The following ALDH1A1 variants were observed in gnomAD, a reference collection of about 807,000 sequenced individuals.
ALDH1A1 encodes aldehyde dehydrogenase 1A1.
A neutral mutation model predicts 62.1 loss-of-function variants in ALDH1A1; 19 were observed. The ratio of observed to expected loss-of-function variants is 0.31; its 90% CI spans 0.21 to 0.45. The LOEUF is 0.45. Ranked by LOEUF, ALDH1A1 falls within the 20% of genes least tolerant of loss-of-function variation. The pLI is 1.00. For synonymous variants in ALDH1A1, 231 were observed against 215.9 expected (o/e 1.07, Z -0.61); for missense variants, 521 against 607.1 (o/e 0.86, Z 1.49).
At chr9:72,922,784 C>T (rs1415332763) in intron 7 of ALDH1A1, among the ~76,000 whole-genome samples, 1 of 152,100 alleles carries the variant, frequency 6.6e-6, no homozygotes, top group Non-Finnish European at 1.5e-5. Flanking sequence ...AATGTATTGC[C>T]ATATCTTGAA....
At chr9:72,923,741 T>C (rs1319763670) in intron 7 of ALDH1A1, 3 of 226,898 alleles carry the variant, frequency 1.3e-5, no homozygotes, top group African/African-American at 6.9e-5. Context: ...ATCTTCCTAA[T>C]AATATGACAA....
chr9:72,946,036 T>G (rs1009778899), intron 1 of ALDH1A1, among the ~76,000 whole-genome samples: 1 of 151,980 alleles, frequency 6.6e-6, no homozygotes, highest in Admixed American at 6.6e-5. Context: ...AGAGAAAAGA[T>G]GCCACAGCAT....
chr9:72,905,868 A>T, intron 12 of ALDH1A1, 90 bp downstream of exon 12: 1 of 1,083,900 alleles, frequency 9.2e-7, no homozygotes, highest in East Asian at 2.6e-5. Flanking sequence ...GGCAGGTTTT[A>T]TGTAAGGTGA....
chr9:72,915,374 G>A (rs893236441), intron 9 of ALDH1A1, among the ~76,000 whole-genome samples: 3 of 152,054 alleles, frequency 2.0e-5, no homozygotes, highest in Admixed American at 2.0e-4. Flanking sequence ...CCTCTCTTCA[G>A]ATCTATCAAT....
At chr9:72,914,541 CTAT>C (rs1830036044) in intron 9 of ALDH1A1, among the ~76,000 whole-genome samples, 2 of 152,114 alleles carry the variant, frequency 1.3e-5, no homozygotes, top group South Asian at 2.1e-4. Context: ...TCTTTCCACA[CTAT>C]TATAAGGTGC....
rs769884834 is a variant in ALDH1A1 at position 72,909,709 on chromosome 9, C to A, written c.1251G>T (p.Val417=). ...AGAAAGTATTGTTTGCTCTTTTGAT[C>A]ACGTCATCTAAAGATTTAAACTTCA... ...QIMKFKSLDD[V]IKRANNTFYG... The change falls in exon 11 of 13, where the codon GTG becomes GTT. Residue 417 remains valine, a synonymous_variant. Transcript: ENST00000297785. 108 of 1,613,424 alleles carry A rather than the reference C, an allele frequency of 6.7e-5. No individual in the cohort carries two copies. The highest frequency in any genetic ancestry group is 8.6e-5 in the Non-Finnish European group (101 of 1,179,472).
At chr9:72,920,985 C>T (rs1026223681) in intron 7 of ALDH1A1, among the ~76,000 whole-genome samples, 6 of 152,182 alleles carry the variant, frequency 3.9e-5, no homozygotes, top group African/African-American at 1.2e-4. Flanking sequence ...CGGTGGCTCA[C>T]GCCTGTAATC....
chr9:72,907,882 T>C (rs1035458588), intron 11 of ALDH1A1, among the ~76,000 whole-genome samples: 1 of 152,178 alleles, frequency 6.6e-6, no homozygotes, highest in African/African-American at 2.4e-5. Flanking sequence ...TCACTAGCTA[T>C]ACCGACTATT....
chr9:72,937,901 T>C (rs1830363953), intron 2 of ALDH1A1, among the ~76,000 whole-genome samples: 1 of 152,232 alleles, frequency 6.6e-6, no homozygotes, highest in African/African-American at 2.4e-5. Context: ...TTTTATTTTG[T>C]TTCTACTTCT....
At chr9:72,944,950 C>G (rs1830459187) in intron 1 of ALDH1A1, among the ~76,000 whole-genome samples, 1 of 152,034 alleles carries the variant, frequency 6.6e-6, no homozygotes, top group South Asian at 2.1e-4. Context: ...GTTGAGGCAA[C>G]TTAGAAATGG....
intron 9 of ALDH1A1, among the ~76,000 whole-genome samples, 199 bp downstream of exon 9, chr9:72,916,721 A>G (rs959676616): frequency 6.6e-6 from 1 of 152,216 alleles, no homozygotes; most frequent in African/African-American, 2.4e-5. Flanking sequence ...GTTTCTAGAC[A>G]TGAAAACTGG....
intron 2 of ALDH1A1, among the ~76,000 whole-genome samples, chr9:72,932,067 G>C (rs976411501): frequency 6.6e-6 from 1 of 152,298 alleles, no homozygotes; most frequent in South Asian, 2.1e-4. Context: ...CCTCTTCTGA[G>C]CTCTTACAGA....
At chr9:72,934,314 T>C (rs1413512552) in intron 2 of ALDH1A1, among the ~76,000 whole-genome samples, 3 of 152,208 alleles carry the variant, frequency 2.0e-5, no homozygotes, top group Non-Finnish European at 2.9e-5. Flanking sequence ...TTTCATATTG[T>C]CAATGCTGTC....
chr9:72,942,448 A>G (rs1830425816), intron 1 of ALDH1A1: 1 of 876,778 alleles, frequency 1.1e-6, no homozygotes, highest in Non-Finnish European at 1.4e-6. Context: ...ACCCTTTTGT[A>G]TCACTTTGTT....
chr9:72,906,962 C>G (rs924396985), intron 11 of ALDH1A1, among the ~76,000 whole-genome samples: 1 of 152,034 alleles, frequency 6.6e-6, no homozygotes, highest in Non-Finnish European at 1.5e-5. Context: ...ACATAGCAAA[C>G]CCTTGCCTCT....
intron 2 of ALDH1A1, among the ~76,000 whole-genome samples, chr9:72,933,971 T>C (rs1830317085): frequency 6.6e-6 from 1 of 152,112 alleles, no homozygotes; most frequent in East Asian, 1.9e-4. Context: ...TAATTGTTTA[T>C]TTTTAGTAAA....
chr9:72,924,671 G>A (rs1029167474), intron 6 of ALDH1A1, among the ~76,000 whole-genome samples: 1 of 152,136 alleles, frequency 6.6e-6, no homozygotes, highest in African/African-American at 2.4e-5. Flanking sequence ...CTTCATTAAA[G>A]AATTCAGGTG....
intron 5 of ALDH1A1, chr9:72,926,853 C>A: frequency 3.3e-6 from 1 of 304,512 alleles, no homozygotes; most frequent in African/African-American, 2.1e-5. Context: ...ATAAAACAAC[C>A]CATAGAGTAA....
intron 1 of ALDH1A1, 95 bp from the exon 2 acceptor site, chr9:72,940,347 C>T: frequency 1.2e-6 from 1 of 839,098 alleles, no homozygotes; most frequent in South Asian, 1.4e-5. Context: ...TTCACCATGC[C>T]TAAATGATGC....
Sources: allele counts gnomAD v4.1 joint callset (sites outside exome capture counted in the v4.1 genomes callset), GRCh38; gene constraint gnomAD v4.1.1; transcripts MANE v1.5; gene names NCBI Gene and HGNC (gene_info 2026-07-23, HGNC 2026-07-21).